Variants in ZNF804A observed in about 807,000 individuals in gnomAD.
ZNF804A encodes zinc finger protein 804A.
Under a neutral mutation model 16.5 loss-of-function variants are expected in ZNF804A, and 2 were observed. That is an observed-to-expected ratio of 0.12 (90% CI 0.05 to 0.38). The LOEUF (loss-of-function observed/expected upper bound fraction) is 0.38, where lower values mean the gene tolerates loss of function less well. ZNF804A is among the 10% of genes least tolerant of loss of function. The pLI, the probability that ZNF804A is intolerant of heterozygous loss-of-function variation, is 0.99. For synonymous variants in ZNF804A, 534 were observed against 489.6 expected, an observed-to-expected ratio of 1.09 and a Z score of -1.20; for missense variants, 1,473 against 1,390.7, an observed-to-expected ratio of 1.06 and a Z score of -0.94.
At chr2:184,691,758 G>A (rs939211739) in intron 1 of ZNF804A, among the ~76,000 whole-genome samples, 17 of 151,576 alleles carry the variant, frequency 1.1e-4, no homozygotes, top group East Asian at 3.9e-4. Context: ...GTACGAATTC[G>A]TTGTTTTATT....
At chr2:184,618,824 G>A (rs1040690955) in intron 1 of ZNF804A, among the ~76,000 whole-genome samples, 2 of 152,050 alleles carry the variant, frequency 1.3e-5, no homozygotes. Flanking sequence ...AATAAGATAA[G>A]CAAAGCTGCC....
chr2:184,649,653 A>G (rs964549146), intron 1 of ZNF804A, among the ~76,000 whole-genome samples: 8 of 152,048 alleles, frequency 5.3e-5, no homozygotes, highest in Non-Finnish European at 1.0e-4. Flanking sequence ...CCCTATACAC[A>G]CAAACTAGAA....
At chr2:184,669,789 A>AT (rs950019876) in intron 1 of ZNF804A, among the ~76,000 whole-genome samples, 9 of 147,374 alleles carry the variant, frequency 6.1e-5, no homozygotes, top group Non-Finnish European at 1.1e-4. Context: ...CACTCAGAAT[A>AT]TTTTTTTTCT....
chr2:184,933,446 A>C (rs1486641358), intron 2 of ZNF804A, among the ~76,000 whole-genome samples, 157 bp from the exon 3 acceptor site: 1 of 152,192 alleles, frequency 6.6e-6, no homozygotes, highest in Non-Finnish European at 1.5e-5. Context: ...AAAATGCGAG[A>C]AAATATTTTT....
At chr2:184,793,950 G>A (rs915083148) in intron 1 of ZNF804A, among the ~76,000 whole-genome samples, 3 of 152,136 alleles carry the variant, frequency 2.0e-5, no homozygotes, top group Non-Finnish European at 4.4e-5. Flanking sequence ...ATACACCACA[G>A]TTTCCTTATC....
chr2:184,766,547 A>G (rs1284193041), intron 1 of ZNF804A, among the ~76,000 whole-genome samples: 6 of 151,918 alleles, frequency 3.9e-5, no homozygotes, highest in African/African-American at 1.4e-4. Flanking sequence ...TAATAAGATT[A>G]TCCAACAAAA....
chr2:184,652,235 T>C (rs1691997183), intron 1 of ZNF804A, among the ~76,000 whole-genome samples: 1 of 152,070 alleles, frequency 6.6e-6, no homozygotes, highest in Non-Finnish European at 1.5e-5. Flanking sequence ...GAGCTAAATA[T>C]TGGGTACTCA....
chr2:184,808,424 ATAAT>A, intron 1 of ZNF804A, among the ~76,000 whole-genome samples: 1 of 151,844 alleles, frequency 6.6e-6, no homozygotes, highest in South Asian at 2.1e-4. Flanking sequence ...GTGATGTAAA[ATAAT>A]TAAATTTTGA....
At chr2:184,616,482 G>A (rs1472919573) in intron 1 of ZNF804A, among the ~76,000 whole-genome samples, 1 of 152,058 alleles carries the variant, frequency 6.6e-6, no homozygotes, top group Non-Finnish European at 1.5e-5. Context: ...TCAGTGTCTG[G>A]CATATAATAA....
intron 1 of ZNF804A, among the ~76,000 whole-genome samples, chr2:184,636,478 G>C: frequency 9.1e-6 from 1 of 109,608 alleles, no homozygotes; most frequent in South Asian, 3.1e-4. Context: ...AGAGAGAGAG[G>C]TAAATATTTG....
chr2:184,890,171 A>G (rs1386934553), intron 2 of ZNF804A, among the ~76,000 whole-genome samples: 4 of 149,620 alleles, frequency 2.7e-5, no homozygotes, highest in African/African-American at 1.0e-4. Context: ...TCCTCCACAC[A>G]AGGTTAAAAA....
At chr2:184,889,519 A>G (rs1050180733) in intron 2 of ZNF804A, among the ~76,000 whole-genome samples, 10 of 152,164 alleles carry the variant, frequency 6.6e-5, no homozygotes, top group Non-Finnish European at 8.8e-5. Context: ...TGTTCTGCAC[A>G]TGTATCCCAG....
intron 2 of ZNF804A, among the ~76,000 whole-genome samples, chr2:184,883,455 G>T (rs2105818736): frequency 6.6e-6 from 1 of 152,020 alleles, no homozygotes; most frequent in South Asian, 2.1e-4. Flanking sequence ...ATCAAAACCT[G>T]GCAGAGACAC....
chr2:184,860,740 G>A (rs1695787380), intron 1 of ZNF804A, among the ~76,000 whole-genome samples: 1 of 152,256 alleles, frequency 6.6e-6, no homozygotes, highest in African/African-American at 2.4e-5. Context: ...GGCTGGACCT[G>A]GATCCTGTGT....
intron 1 of ZNF804A, among the ~76,000 whole-genome samples, chr2:184,726,531 G>T (rs1223494483): frequency 6.6e-6 from 1 of 151,358 alleles, no homozygotes; most frequent in Non-Finnish European, 1.5e-5. Context: ...AATTGGATAG[G>T]GCTGAAACCA....
intron 1 of ZNF804A, among the ~76,000 whole-genome samples, chr2:184,737,277 G>A (rs1693638970): frequency 6.6e-6 from 1 of 151,634 alleles, no homozygotes; most frequent in African/African-American, 2.4e-5. Context: ...TAGCCAGGGT[G>A]GCCTCTATCT....
At chr2:184,673,672 G>A (rs1480480) in intron 1 of ZNF804A, among the ~76,000 whole-genome samples, 9 of 152,082 alleles carry the variant, frequency 5.9e-5, no homozygotes, top group Admixed American at 4.6e-4. Flanking sequence ...TGCTTTGTGT[G>A]TCTCTTCCTT....
At chr2:184,653,431 G>A (rs1340607713) in intron 1 of ZNF804A, among the ~76,000 whole-genome samples, 1 of 152,108 alleles carries the variant, frequency 6.6e-6, no homozygotes, top group East Asian at 1.9e-4. Context: ...TCAGAAGAAA[G>A]TATTTTACTC....
chr2:184,902,147 A>G (rs1222615605), intron 2 of ZNF804A: 1 of 156,014 alleles, frequency 6.4e-6, no homozygotes, highest in East Asian at 1.8e-4. Context: ...CCAAACAATC[A>G]TTGTCAGGAG....
Sources: gnomAD v4.1 joint callset for allele counts (sites outside exome capture counted in the v4.1 genomes callset) on GRCh38, gnomAD v4.1.1 for gene constraint, MANE v1.5 for transcripts, NCBI Gene and HGNC (gene_info 2026-07-23, HGNC 2026-07-21) for gene names.